Variants in PRICKLE4 observed in about 807,000 individuals in gnomAD.
PRICKLE4 encodes prickle planar cell polarity protein 4, also known as prickle-like protein 4.
In PRICKLE4, 40 loss-of-function variants were observed where a neutral mutation model predicts 43.5. The observed-to-expected ratio is 0.92, with a 90% confidence interval of 0.71 to 1.20. The LOEUF is 1.20. Ranked by LOEUF, PRICKLE4 falls within the 50% of genes most tolerant of loss-of-function variation. The probability of loss-of-function intolerance (pLI) is 0.00; values close to 1 mark genes in which losing one functional copy is unlikely to be tolerated. For missense variants in PRICKLE4, 527 were observed against 491.2 expected, an observed-to-expected ratio of 1.07 and a Z score of -0.69; for synonymous variants, 208 against 197.4, an observed-to-expected ratio of 1.05 and a Z score of -0.45.
Position 41,786,781 on chromosome 6 carries a change from A to C in PRICKLE4, c.807A>C (p.Arg269=). 6.2e-7 allele frequency: 1 copy of C among 1,612,452 alleles called. No individual in the cohort carries two copies. The highest frequency in any genetic ancestry group is 8.5e-7 in the Non-Finnish European group (1 of 1,179,434). Residue 269 remains arginine (R), a synonymous_variant, in exon 8 of 8, where the codon CGA becomes CGC. Coordinates refer to ENST00000458694, the MANE Select transcript of PRICKLE4 (RefSeq NM_013397.6). Reference sequence around the variant, plus strand: ...GAACAGGGGAGACTGGACTCGACCGAACTGAAGGAAGGGACCAAACCTCGG... The same window carrying C: ...GAACAGGGGAGACTGGACTCGACCGCACTGAAGGAAGGGACCAAACCTCGG... ...QAFLGETGLD[R]TEGRDQTSVN...
rs911725618 is a variant in PRICKLE4, at chr6:41,787,203, C to A, written c.*74C>A. ...AGCGGGAGAACAAGGCTAGCCTCCC[C>A]CTAACAATCCTAGACTGAGACGCAG... On this transcript the variant is annotated 3_prime_UTR_variant, in exon 8 of 8. Transcript: ENST00000458694. The A allele has an allele frequency of 2.0e-6, 3 of 1,497,384 alleles. No individual in the cohort carries two copies. Among genetic ancestry groups the A allele is most frequent in the Admixed American group, 4.7e-5 (2 of 42,640 alleles). 92.8% of individuals were successfully genotyped at this position (1,497,384 alleles called of 1,614,324 possible).
In PRICKLE4 at chr6:41,782,383, C is replaced by CTTTTT. The variant is rs1444866176; in HGVS notation, c.-13+865_-13+866insTTTTT. Among the ~76,000 whole-genome samples the CTTTTT allele has an allele frequency of 4.7e-4, 33 of 70,416 alleles. 3 individuals are homozygous for CTTTTT. The highest frequency in any genetic ancestry group is 2.5e-3 in the East Asian group (5 of 1,974). 46.2% of individuals were successfully genotyped at this position (70,416 alleles called of 152,430 possible). ...CACTGTGCCCAGCCAATGGTCACTT[C>CTTTTT]TTCTTTTTTTTTTTTTTTTTTTTTG... On this transcript the variant is annotated intron_variant, in intron 2 of 7. Coordinates refer to ENST00000458694, the MANE Select transcript of PRICKLE4 (RefSeq NM_013397.6).
chr6:41,786,619 T>A (rs780776853), intron 7 of PRICKLE4, 143 bp from the exon 8 acceptor site: 1 of 1,362,450 alleles, frequency 7.3e-7, no homozygotes, highest in African/African-American at 1.5e-5. Flanking sequence ...CGGGGGACCC[T>A]GGCGAGGACT....
chr6:41,782,628 G>A (rs141864874), intron 2 of PRICKLE4, among the ~76,000 whole-genome samples: 3,891 of 151,348 alleles, frequency 0.026, 70 homozygotes, highest in Middle Eastern at 0.071. Context: ...TCCTGACCTC[G>A]TGATCCGCTT....
Position 41,786,288 on chromosome 6 carries a change from C to T in PRICKLE4, c.743C>T (p.Ala248Val). Residue 248 changes from alanine to valine, a missense_variant, in exon 7 of 8, where the codon GCA becomes GTA. Transcript: ENST00000458694. The stretch of plus-strand genomic sequence containing the variant: ...TGCTTCGAGAACCGCTACTCGGATG[C>T]AGGCTCGAGCTGGGCCGGGGCACTG... Reference protein sequence around the residue: ...PSCFENRYSDAGSSWAGALEG... With the variant: ...PSCFENRYSDVGSSWAGALEG... 2 of 1,588,190 alleles carry T rather than the reference C, an allele frequency of 1.3e-6. No individual in the cohort carries two copies. The highest frequency in any genetic ancestry group is 1.7e-6 in the Non-Finnish European group (2 of 1,162,822).
At position 41,786,224 on chromosome 6, in the gene PRICKLE4, C is replaced by A; in HGVS notation, c.679C>A (p.Arg227Ser). Residue 227 changes from arginine (R) to serine (S), a missense_variant, in exon 7 of 8, where the codon CGT (arginine) becomes AGT (serine). Physicochemically the swap from Arg to Ser is moderately radical, Grantham distance 110 (BLOSUM62 -1). Transcript: ENST00000458694. ...CTGCGCCGGGCCTCTGGGCGGGGGA[C>A]GTTATGCCCTGCCTGGGGGAAGCCC... The part of the protein sequence containing the change: ...QDCAGPLGGG[R>S]YALPGGSPCC... The A allele has an allele frequency of 6.2e-7, 1 of 1,605,124 alleles. No homozygotes were observed. Among genetic ancestry groups the A allele is most frequent in the Non-Finnish European group, 8.5e-7 (1 of 1,173,398 alleles).
intron 6 of PRICKLE4, 114 bp downstream of exon 6, chr6:41,785,654 A>G: frequency 8.7e-7 from 1 of 1,155,470 alleles, no homozygotes; most frequent in Non-Finnish European, 1.2e-6. Flanking sequence ...GGGGAGAAGT[A>G]GGAACCAGCC....
Position 41,786,553 on chromosome 6 carries a change from G to A in PRICKLE4, c.788-209G>A, listed in dbSNP as rs142680199. On this transcript the variant is annotated intron_variant, in intron 7 of 7. Coordinates refer to ENST00000458694, the MANE Select transcript of PRICKLE4 (RefSeq NM_013397.6). Reference sequence around the variant, plus strand: ...CGAACCCACCCCGCGCCGCGGTCGGGGTTGCGGCGCCAGACTCCCTCCCAG... The same window carrying A: ...CGAACCCACCCCGCGCCGCGGTCGGAGTTGCGGCGCCAGACTCCCTCCCAG... The A allele has an allele frequency of 6.7e-6, 7 of 1,038,458 alleles. No individual in the cohort carries two copies. In the African/African-American group the frequency reaches 8.4e-5, roughly 12 times the overall value. The allele number at this position is 1,038,458 out of a possible 1,614,324, so 64.3% of individuals were successfully genotyped here.
At chr6:41,783,255 G>T (rs1772581724) in intron 2 of PRICKLE4, among the ~76,000 whole-genome samples, 1 of 152,162 alleles carries the variant, frequency 6.6e-6, no homozygotes, top group South Asian at 2.1e-4. Context: ...CTCAAGTCCT[G>T]GCTCTGCCAC....
Position 41,787,065 on chromosome 6 carries a change from A to G in PRICKLE4, c.1091A>G (p.Lys364Arg). ...FLGERLPQSW[K>R]TPGSLQAEDS... ...GGCGAGCGCCTTCCCCAGTCCTGGA[A>G]GACCCCCGGAAGCCTCCAAGCAGAG... The change falls in exon 8 of 8, where the codon AAG becomes AGG. Residue 364 changes from lysine to arginine, a missense_variant. Transcript: ENST00000458694. 6.2e-7 allele frequency: 1 copy of G among 1,613,454 alleles called. No homozygotes were observed. Among genetic ancestry groups the G allele is most frequent in the Non-Finnish European group, 8.5e-7 (1 of 1,180,006 alleles).
chr6:41,782,513 C>T (rs900719255), intron 2 of PRICKLE4, among the ~76,000 whole-genome samples: 2 of 151,488 alleles, frequency 1.3e-5, no homozygotes, highest in East Asian at 1.9e-4. Flanking sequence ...CCTCAGCCTC[C>T]GGAGTAGCTG....
chr6:41,782,103 T>C (rs1772562689), intron 2 of PRICKLE4, among the ~76,000 whole-genome samples: 1 of 144,124 alleles, frequency 6.9e-6, no homozygotes, highest in African/African-American at 2.5e-5. Context: ...AGTCTCACTC[T>C]GTTGCCCAGG....
intron 6 of PRICKLE4, 55 bp from the exon 7 acceptor site, chr6:41,786,073 A>G (rs1426665141): frequency 2.6e-6 from 4 of 1,547,966 alleles, no homozygotes; most frequent in Non-Finnish European, 3.6e-6. Flanking sequence ...TTACTGGATG[A>G]ATGAATGAGG....
intron 4 of PRICKLE4, 170 bp from the exon 5 acceptor site, chr6:41,784,765 T>G (rs1361274667): frequency 1.2e-6 from 1 of 866,602 alleles, no homozygotes; most frequent in Non-Finnish European, 1.8e-6. Context: ...GAGGTGGCTT[T>G]CTTGAGCTCC....
intron 2 of PRICKLE4, 82 bp from the exon 3 acceptor site, chr6:41,783,380 A>G (rs765008164): frequency 8.7e-5 from 116 of 1,339,666 alleles, no homozygotes; most frequent in Non-Finnish European, 9.1e-5. Flanking sequence ...ACTGAGGGAA[A>G]TAATATCTAT....
rs530736342 is a variant in PRICKLE4, at chr6:41,784,893, T to C, written c.241-42T>C. The C allele has an allele frequency of 1.1e-5, 17 of 1,610,018 alleles. No homozygotes were observed. The South Asian group carries it at 1.9e-4, about 18-fold the overall frequency. On this transcript the variant is annotated intron_variant, in intron 4 of 7. Transcript: ENST00000458694. The stretch of plus-strand genomic sequence containing the variant: ...CCTCCAACCAATGCTCAATGTTTTC[T>C]GCTGGAGCTCTCCCAGTAATTGTAG...
chr6:41,784,825 A>AG (rs1426979661), intron 4 of PRICKLE4, 110 bp from the exon 5 acceptor site: 3 of 1,377,602 alleles, frequency 2.2e-6, no homozygotes, highest in East Asian at 4.6e-5. Context: ...CATCTCCCTG[A>AG]GGTTCTACAA....
At chr6:41,784,277 C>T (rs546238392) in intron 4 of PRICKLE4, 39 bp downstream of exon 4, 1 of 1,453,566 alleles carries the variant, frequency 6.9e-7, no homozygotes, top group African/African-American at 1.4e-5. Flanking sequence ...CTTGCCTTTC[C>T]CTCCCTCATC....
At chr6:41,786,106 C>T (rs1271610216) in intron 6 of PRICKLE4, 22 bp from the exon 7 acceptor site, 1 of 1,602,394 alleles carries the variant, frequency 6.2e-7, no homozygotes, top group Non-Finnish European at 8.5e-7. Flanking sequence ...GAAACGTTCC[C>T]CTCTCCCTCT....
Sources: gnomAD v4.1 joint callset for allele counts (sites outside exome capture counted in the v4.1 genomes callset) on GRCh38, gnomAD v4.1.1 for gene constraint, MANE v1.5 for transcripts, NCBI Gene and HGNC (gene_info 2026-07-23, HGNC 2026-07-21) for gene names.